YIPF7: variants seen among roughly 807,000 people sequenced by gnomAD.
The protein encoded by YIPF7 is Yip1 domain family member 7.
A neutral mutation model predicts 27.2 loss-of-function variants in YIPF7; 35 were observed. The ratio of observed to expected loss-of-function variants is 1.29; its 90% CI spans 0.98 to 1.70. The LOEUF (loss-of-function observed/expected upper bound fraction) is 1.70, where lower values mean the gene tolerates loss of function less well. Ranked by LOEUF, YIPF7 falls within the 40% of genes most tolerant of loss-of-function variation. YIPF7 has a pLI of 0.00. For missense variants in YIPF7, 358 were observed against 303.7 expected, an observed-to-expected ratio of 1.18 and a Z score of -1.33; for synonymous variants, 137 against 110.4, an observed-to-expected ratio of 1.24 and a Z score of -1.51.
At chr4:44,655,005 T>C (rs941255893), upstream of YIPF7, among the ~76,000 whole-genome samples, 2 of 152,026 alleles carry the variant, frequency 1.3e-5, no homozygotes, top group Non-Finnish European at 2.9e-5. Context: ...GGTTGCTAAC[T>C]GCAATTAGCA....
Position 44,624,756 on chromosome 4 carries a change from C to A in YIPF7, c.453G>T (p.Val151=), listed in dbSNP as rs1712570469. 3 of 1,610,702 alleles carry A rather than the reference C, an allele frequency of 1.9e-6. No homozygotes were observed. Among genetic ancestry groups the A allele is most frequent in the Non-Finnish European group, 2.5e-6 (3 of 1,178,700 alleles). Residue 151 remains valine, a synonymous_variant, in exon 5 of 6, where the codon GTG becomes GTT. Transcript: ENST00000415895. ...GGCAGCCAATGGCACTCATGCCATA[C>A]ACATAACCAAACTGAACTTTTCCTG... is the stretch of plus-strand genomic sequence containing the variant. The part of the protein sequence containing the change: ...LLAGKVQFGY[V]YGMSAIGCLV...
intron 3 of YIPF7, among the ~76,000 whole-genome samples, chr4:44,630,768 T>G (rs1265244209): frequency 1.3e-5 from 2 of 152,208 alleles, no homozygotes; most frequent in African/African-American, 4.8e-5. Context: ...CTTAGCCATT[T>G]GACATCCCCT....
Position 44,622,565 on chromosome 4 carries a change from C to T in YIPF7, c.620G>A (p.Gly207Glu). ...AATGATGACCAGGGATGACATGATT[C>T]CAAAGATGCCCCTGCAGCAAAGACA... ...AMFFSLQGIF[G>E]IMSSLVIIGW... Residue 207 changes from glycine to glutamate, a missense_variant, in exon 6 of 6, where the codon GGA (glycine) becomes GAA (glutamate). Coordinates refer to ENST00000415895, the MANE Select transcript of YIPF7 (RefSeq NM_182592.3). 6.2e-7 allele frequency: 1 copy of T among 1,613,166 alleles called. No individual in the cohort carries two copies. Among genetic ancestry groups the T allele is most frequent in the Non-Finnish European group, 8.5e-7 (1 of 1,179,604 alleles).
chr4:44,635,022 T>A (rs970949067), intron 3 of YIPF7, among the ~76,000 whole-genome samples: 12 of 152,206 alleles, frequency 7.9e-5, no homozygotes, highest in Admixed American at 1.3e-4. Flanking sequence ...TTTTATATTT[T>A]TAAGGAAAAG....
At chr4:44,642,479 TA>T (rs948686588) in intron 2 of YIPF7, among the ~76,000 whole-genome samples, 7 of 151,826 alleles carry the variant, frequency 4.6e-5, no homozygotes, top group Admixed American at 1.3e-4. Context: ...TTCATCTCAA[TA>T]AAAAAAAGCA....
intron 2 of YIPF7, among the ~76,000 whole-genome samples, chr4:44,636,426 C>T (rs1006118970): frequency 9.2e-5 from 14 of 152,104 alleles, no homozygotes; most frequent in East Asian, 1.9e-4. Context: ...AGAGACTAAA[C>T]GACTTGTCCA....
At chr4:44,623,511 A>G (rs1712516073) in intron 5 of YIPF7, among the ~76,000 whole-genome samples, 1 of 152,216 alleles carries the variant, frequency 6.6e-6, no homozygotes, top group African/African-American at 2.4e-5. Flanking sequence ...AATTATGTTT[A>G]TTATTTGTGA....
At chr4:44,652,206 C>A (rs1368710899), upstream of YIPF7, among the ~76,000 whole-genome samples, 2 of 152,126 alleles carry the variant, frequency 1.3e-5, no homozygotes, top group African/African-American at 4.8e-5. Context: ...ATCCTAACCA[C>A]TGGAAGGTGT....
At chr4:44,660,479 G>T (rs563136023) in exon 2 of YIPF7, 64 of 152,212 alleles carry the variant, frequency 4.2e-4, no homozygotes, top group African/African-American at 1.4e-3. Flanking sequence ...AGGCTGTATG[G>T]GGAGACCACA....
intron 3 of YIPF7, among the ~76,000 whole-genome samples, chr4:44,631,961 G>A (rs980773445): frequency 6.6e-6 from 1 of 152,018 alleles, no homozygotes; most frequent in Non-Finnish European, 1.5e-5. Context: ...AATATAATTA[G>A]TTTGGAAGAA....
At chr4:44,631,516 G>T (rs553707568) in intron 3 of YIPF7, among the ~76,000 whole-genome samples, 1 of 152,006 alleles carries the variant, frequency 6.6e-6, no homozygotes, top group South Asian at 2.1e-4. Context: ...CTTTCAGAGG[G>T]TCAGCTAGAC....
intron 2 of YIPF7, among the ~76,000 whole-genome samples, chr4:44,646,934 T>C (rs1231742210): frequency 6.6e-6 from 1 of 152,144 alleles, no homozygotes; most frequent in African/African-American, 2.4e-5. Context: ...TGGGGTATAT[T>C]TTAATTGAAC....
rs149985531 is a variant in YIPF7, at chr4:44,649,123, T to A, written c.116+862A>T. On this transcript the variant is annotated intron_variant, in intron 2 of 5. Transcript: ENST00000415895. ...GTTATATTTGGATTTGCAGTGCCCT[T>A]CTTAATTTCTGAAACACAAGCAGAA... Among the ~76,000 whole-genome samples, 7 of 152,268 alleles carry A rather than the reference T, an allele frequency of 4.6e-5. No homozygotes were observed. The East Asian group carries it at 1.4e-3, about 29-fold the overall frequency.
intron 2 of YIPF7, among the ~76,000 whole-genome samples, chr4:44,657,621 G>GA (rs1298011701): frequency 9.2e-5 from 14 of 152,166 alleles, no homozygotes; most frequent in Non-Finnish European, 1.5e-4. Context: ...AGTATGTAGT[G>GA]AAAAAAATGA....
Position 44,643,273 on chromosome 4 carries a change from G to A in YIPF7, c.116+6712C>T, listed in dbSNP as rs1040916028. Reference sequence around the variant, plus strand: ...ATTGTGCCCCCTTCTCTAGGGAAGTGTGAAATTTTAAAAGTTAGAATGATG... The same window carrying A: ...ATTGTGCCCCCTTCTCTAGGGAAGTATGAAATTTTAAAAGTTAGAATGATG... On this transcript the variant is annotated intron_variant, in intron 2 of 5. Coordinates refer to ENST00000415895, the MANE Select transcript of YIPF7 (RefSeq NM_182592.3). Among the ~76,000 whole-genome samples the A allele has an allele frequency of 4.3e-4, 65 of 152,252 alleles. 1 individual carries two copies. The highest frequency in any genetic ancestry group is 1.5e-3 in the African/African-American group (62 of 41,542).
chr4:44,632,091 A>G lies in YIPF7; in HGVS notation c.281-2543T>C, dbSNP rs533344413. On this transcript the variant is annotated intron_variant, in intron 3 of 5. Coordinates refer to ENST00000415895, the MANE Select transcript of YIPF7 (RefSeq NM_182592.3). ...TGAGGCAGTAAATGAACATAAGCCC[A>G]TACAAATATTTTCATAATAATAAAG... 5.9e-5 allele frequency among the ~76,000 whole-genome samples: 9 copies of G among 152,296 alleles called. No individual in the cohort carries two copies. In the South Asian group the frequency reaches 1.9e-3, roughly 32 times the overall value.
At chr4:44,651,757 G>A, upstream of YIPF7, 1 of 497,896 alleles carries the variant, frequency 2.0e-6, no homozygotes, top group Non-Finnish European at 3.5e-6. Flanking sequence ...CACTTATTAT[G>A]GTTTACAAAC....
chr4:44,629,103 T>C, intron 4 of YIPF7: 1 of 227,684 alleles, frequency 4.4e-6, no homozygotes, highest in Non-Finnish European at 8.4e-6. Context: ...ATCTCCCAAA[T>C]CTATGTTTTC....
intron 5 of YIPF7, 134 bp downstream of exon 5, chr4:44,624,467 A>G: frequency 1.0e-6 from 1 of 1,002,130 alleles, no homozygotes; most frequent in Non-Finnish European, 1.4e-6. Context: ...TTAATCTATG[A>G]GTAGCTTTTA....
Sources: allele counts gnomAD v4.1 joint callset (sites outside exome capture counted in the v4.1 genomes callset), GRCh38; gene constraint gnomAD v4.1.1; transcripts MANE v1.5; gene names NCBI Gene and HGNC (gene_info 2026-07-23, HGNC 2026-07-21).